The following BLID variants were observed in gnomAD, a reference collection of about 807,000 sequenced individuals.
BLID encodes the protein BH3-like motif containing, cell death inducer.
For synonymous variants in BLID, 47 were observed against 49.6 expected, an observed-to-expected ratio of 0.95 and a Z score of 0.22; for missense variants, 136 against 127.9, an observed-to-expected ratio of 1.06 and a Z score of -0.31.
rs765859710 is a variant in BLID, at chr11:122,115,918, A to C, written c.5T>G (p.Val2Gly). M[V>G]TLLPIEGQEI... is the part of the protein sequence containing the mutation. ...CTGGCCCTCTATAGGCAACAAAGTC[A>C]CCATAATTTGAAGCTATTATGGAAG... Residue 2 changes from valine (V) to glycine (G), a missense_variant, in exon 1 of 1, where the codon GTG becomes GGG. Coordinates refer to ENST00000560104, the MANE Select transcript of BLID (RefSeq NM_001001786.3). 1.3e-6 allele frequency: 2 copies of C among 1,576,620 alleles called. No individual in the cohort carries two copies. The highest frequency in any genetic ancestry group is 8.6e-7 in the Non-Finnish European group (1 of 1,159,956).
Position 122,116,054 on chromosome 11 carries a change from G to T in BLID, c.-132C>A. ...GGTGTTAGATGGGAAGAAAAAAGTGGTGGGATCCTTCCTCCTCTTCCTTTC... is the reference window on the plus strand; with the variant it reads ...GGTGTTAGATGGGAAGAAAAAAGTGTTGGGATCCTTCCTCCTCTTCCTTTC... On this transcript the variant is annotated 5_prime_UTR_variant, in exon 1 of 1. Transcript: ENST00000560104. 1 of 637,612 alleles carries T rather than the reference G, an allele frequency of 1.6e-6. No homozygotes were observed. The highest frequency in any genetic ancestry group is 2.7e-6 in the Non-Finnish European group (1 of 368,358). 39.5% of individuals were successfully genotyped at this position (637,612 alleles called of 1,614,324 possible). A position where few individuals can be genotyped will look rare whatever the true frequency, so the allele number is the denominator to read the frequency against.
At position 122,116,091 on chromosome 11, in the gene BLID, T is replaced by C. The variant is rs1353747866; in HGVS notation, c.-169A>G. Reference sequence around the variant, plus strand: ...CTCCTCTTCCTTTCTTCCCAGCTCCTGCTATTCATGGAATTTCCCTTGATT... The same window carrying C: ...CTCCTCTTCCTTTCTTCCCAGCTCCCGCTATTCATGGAATTTCCCTTGATT... On this transcript the variant is annotated 5_prime_UTR_variant, in exon 1 of 1. Coordinates refer to ENST00000560104, the MANE Select transcript of BLID (RefSeq NM_001001786.3). The C allele has an allele frequency of 1.7e-5, 10 of 582,244 alleles. No individual in the cohort carries two copies. Among genetic ancestry groups the C allele is most frequent in the Non-Finnish European group, 3.1e-5 (10 of 324,702 alleles). 36.1% of individuals were successfully genotyped at this position (582,244 alleles called of 1,614,324 possible).
chr11:122,115,693 A>T lies in BLID; in HGVS notation c.230T>A (p.Met77Lys). ...LKRYNLGSSAMKRNVPGHVLQ... is the reference protein window; with the variant it reads ...LKRYNLGSSAKKRNVPGHVLQ... ...CACATGTCCAGGAACATTCCGCTTC[A>T]TGGCAGAGGAGCCAAGATTGTACCT... Residue 77 changes from methionine (M) to lysine (K), a missense_variant, in exon 1 of 1, where the codon ATG becomes AAG. Transcript: ENST00000560104. The T allele has an allele frequency of 1.2e-6, 2 of 1,614,068 alleles. No individual in the cohort carries two copies. Among genetic ancestry groups the T allele is most frequent in the Non-Finnish European group, 1.7e-6 (2 of 1,179,890 alleles).
chr11:122,116,088 T>G lies in BLID; in HGVS notation c.-166A>C. Reference sequence around the variant, plus strand: ...TTCCTCCTCTTCCTTTCTTCCCAGCTCCTGCTATTCATGGAATTTCCCTTG... The same window carrying G: ...TTCCTCCTCTTCCTTTCTTCCCAGCGCCTGCTATTCATGGAATTTCCCTTG... On this transcript the variant is annotated 5_prime_UTR_variant, in exon 1 of 1. Transcript: ENST00000560104. 1 of 583,960 alleles carries G rather than the reference T, an allele frequency of 1.7e-6. No individual in the cohort carries two copies. Among genetic ancestry groups the G allele is most frequent in the Non-Finnish European group, 3.1e-6 (1 of 326,100 alleles). The allele number at this position is 583,960 out of a possible 1,614,324, so 36.2% of individuals were successfully genotyped here.
In BLID at chr11:122,115,696, G is replaced by T. The variant is rs7116084; in HGVS notation, c.227C>A (p.Ala76Asp). 3.0e-3 allele frequency: 4,855 copies of T among 1,614,034 alleles called. 133 individuals carry two copies. The African/African-American group carries it at 0.059, about 20-fold the overall frequency. ...SLKRYNLGSS[A>D]MKRNVPGHVL... ...ATGTCCAGGAACATTCCGCTTCATG[G>T]CAGAGGAGCCAAGATTGTACCTTTT... Residue 76 changes from alanine to aspartate, a missense_variant, in exon 1 of 1, where the codon GCC (alanine) becomes GAC (aspartate). Physicochemically the swap from Ala to Asp is moderately radical, Grantham distance 126 (BLOSUM62 -2). Transcript: ENST00000560104.
Position 122,115,806 on chromosome 11 carries a change from T to C in BLID, c.117A>G (p.Pro39=), listed in dbSNP as rs1397458404. 9 of 1,614,050 alleles carry C rather than the reference T, an allele frequency of 5.6e-6. No individual in the cohort carries two copies. In the Admixed American group the frequency reaches 8.3e-5, roughly 15 times the overall value. Residue 39 remains proline, a synonymous_variant, in exon 1 of 1, where the codon CCA becomes CCG. Transcript: ENST00000560104. The part of the protein sequence containing the change: ...IERASGSSIY[P]EAKARLPLEA... ...CCAGTGGCAGGCGTGCTTTTGCCTC[T>C]GGATAAATGGAACTGCCAGAGGCTC...
chr11:122,115,696 G>A lies in BLID; in HGVS notation c.227C>T (p.Ala76Val), dbSNP rs7116084. ...SLKRYNLGSSAMKRNVPGHVL... is the reference protein window; with the variant it reads ...SLKRYNLGSSVMKRNVPGHVL... ...ATGTCCAGGAACATTCCGCTTCATG[G>A]CAGAGGAGCCAAGATTGTACCTTTT... Residue 76 changes from alanine (A) to valine (V), a missense_variant, in exon 1 of 1, where the codon GCC (alanine) becomes GTC (valine). Coordinates refer to ENST00000560104, the MANE Select transcript of BLID (RefSeq NM_001001786.3). 1.2e-6 allele frequency: 2 copies of A among 1,613,926 alleles called. No individual in the cohort carries two copies. The highest frequency in any genetic ancestry group is 1.3e-5 in the African/African-American group (1 of 74,900).
Position 122,115,927 on chromosome 11 carries a change from T to C in BLID, c.-5A>G. 2 of 1,574,152 alleles carry C rather than the reference T, an allele frequency of 1.3e-6. No homozygotes were observed. Among genetic ancestry groups the C allele is most frequent in the East Asian group, 2.3e-5 (1 of 44,264 alleles). On this transcript the variant is annotated 5_prime_UTR_variant, in exon 1 of 1. Transcript: ENST00000560104. ...TATAGGCAACAAAGTCACCATAATT[T>C]GAAGCTATTATGGAAGAAAGTCCAA... is the stretch of plus-strand genomic sequence containing the variant.
Position 122,115,990 on chromosome 11 carries a change from T to A in BLID, c.-68A>T. 1.6e-6 allele frequency: 2 copies of A among 1,232,550 alleles called. No homozygotes were observed. Among genetic ancestry groups the A allele is most frequent in the Non-Finnish European group, 2.3e-6 (2 of 870,796 alleles). 76.4% of individuals were successfully genotyped at this position (1,232,550 alleles called of 1,614,324 possible). On this transcript the variant is annotated 5_prime_UTR_variant, in exon 1 of 1. Transcript: ENST00000560104. ...ATTCGCTTTATTCAGCAAGTTTTTA[T>A]AAGGCAGATCTCATATGGACTATGC...
Position 122,116,004 on chromosome 11 carries a change from T to G in BLID, c.-82A>C. 10 of 998,008 alleles carry G rather than the reference T, an allele frequency of 1.0e-5. No homozygotes were observed. Among genetic ancestry groups the G allele is most frequent in the South Asian group, 1.6e-5 (1 of 62,236 alleles). The allele number at this position is 998,008 out of a possible 1,614,324, so 61.8% of individuals were successfully genotyped here. A position where few individuals can be genotyped will look rare whatever the true frequency, so the allele number is the denominator to read the frequency against. On this transcript the variant is annotated 5_prime_UTR_variant, in exon 1 of 1. An upstream start codon of the reference 5' UTR is lost. Transcript: ENST00000560104. Reference sequence around the variant, plus strand: ...GCAAGTTTTTATAAGGCAGATCTCATATGGACTATGCTTTGCATAAGCACG... The same window carrying G: ...GCAAGTTTTTATAAGGCAGATCTCAGATGGACTATGCTTTGCATAAGCACG...
In BLID at chr11:122,115,804, T is replaced by A. The variant is rs775509826; in HGVS notation, c.119A>T (p.Glu40Val). Residue 40 changes from glutamate (E) to valine (V), a missense_variant, in exon 1 of 1, where the codon GAG becomes GTG. Physicochemically the swap from Glu to Val is moderately radical, Grantham distance 121 (BLOSUM62 -2). Transcript: ENST00000560104. Reference protein sequence around the residue: ...ERASGSSIYPEAKARLPLEAL... With the variant: ...ERASGSSIYPVAKARLPLEAL... ...CTCCAGTGGCAGGCGTGCTTTTGCC[T>A]CTGGATAAATGGAACTGCCAGAGGC... 1.1e-5 allele frequency: 18 copies of A among 1,614,144 alleles called. No individual in the cohort carries two copies. The highest frequency in any genetic ancestry group is 1.7e-4 in the Middle Eastern group (1 of 6,056).
In BLID at chr11:122,116,020, C is replaced by T. The variant is rs1456646863; in HGVS notation, c.-98G>A. ...CAGATCTCATATGGACTATGCTTTG[C>T]ATAAGCACGGTGTTAGATGGGAAGA... On this transcript the variant is annotated 5_prime_UTR_variant, in exon 1 of 1. An upstream start codon of the reference 5' UTR is lost. Coordinates refer to ENST00000560104, the MANE Select transcript of BLID (RefSeq NM_001001786.3). 4.7e-6 allele frequency: 4 copies of T among 854,770 alleles called. No homozygotes were observed. Among genetic ancestry groups the T allele is most frequent in the Non-Finnish European group, 7.3e-6 (4 of 547,004 alleles). 52.9% of individuals were successfully genotyped at this position (854,770 alleles called of 1,614,324 possible).
chr11:122,115,771 A>C lies in BLID; in HGVS notation c.152T>G (p.Leu51Trp), dbSNP rs1941201083. The C allele has an allele frequency of 6.2e-7, 1 of 1,614,074 alleles. No homozygotes were observed. Among genetic ancestry groups the C allele is most frequent in the Admixed American group, 1.7e-5 (1 of 60,012 alleles). ...AKARLPLEAL[L>W]GSNKEPMLPK... ...CAACATAGGTTCTTTGTTGGAACCC[A>C]AGAGCGCCTCCAGTGGCAGGCGTGC... Residue 51 changes from leucine (L) to tryptophan (W), a missense_variant, in exon 1 of 1, where the codon TTG becomes TGG. By Grantham distance (61) the Leu-to-Trp change is moderately conservative (BLOSUM62 -2). Coordinates refer to ENST00000560104, the MANE Select transcript of BLID (RefSeq NM_001001786.3).
At position 122,115,560 on chromosome 11, in the gene BLID, C is replaced by A; in HGVS notation, c.*36G>T. 1 of 1,468,378 alleles carries A rather than the reference C, an allele frequency of 6.8e-7. No homozygotes were observed. The highest frequency in any genetic ancestry group is 9.5e-7 in the Non-Finnish European group (1 of 1,052,622). The allele number at this position is 1,468,378 out of a possible 1,614,324, so 91.0% of individuals were successfully genotyped here. ...GCCTGAATAATGGGCGAAATCTGTC[C>A]TAATATCTTGCTGCATCTGTCCTAA... On this transcript the variant is annotated 3_prime_UTR_variant, in exon 1 of 1. Coordinates refer to ENST00000560104, the MANE Select transcript of BLID (RefSeq NM_001001786.3).
Position 122,116,021 on chromosome 11 carries a change from A to G in BLID, c.-99T>C. 1.2e-6 allele frequency: 1 copy of G among 847,344 alleles called. No individual in the cohort carries two copies. Among genetic ancestry groups the G allele is most frequent in the South Asian group, 1.8e-5 (1 of 54,822 alleles). The allele number at this position is 847,344 out of a possible 1,614,324, so 52.5% of individuals were successfully genotyped here. A position where few individuals can be genotyped will look rare whatever the true frequency, so the allele number is the denominator to read the frequency against. On this transcript the variant is annotated 5_prime_UTR_variant, in exon 1 of 1. It removes an upstream start codon present in the reference 5' UTR. Coordinates refer to ENST00000560104, the MANE Select transcript of BLID (RefSeq NM_001001786.3). The stretch of plus-strand genomic sequence containing the variant: ...AGATCTCATATGGACTATGCTTTGC[A>G]TAAGCACGGTGTTAGATGGGAAGAA...
In BLID at chr11:122,115,423, T is replaced by A; in HGVS notation, c.*173A>T. 1 of 545,730 alleles carries A rather than the reference T, an allele frequency of 1.8e-6. No homozygotes were observed. The highest frequency in any genetic ancestry group is 3.2e-6 in the Non-Finnish European group (1 of 308,302). The allele number at this position is 545,730 out of a possible 1,614,324, so 33.8% of individuals were successfully genotyped here. On this transcript the variant is annotated 3_prime_UTR_variant, in exon 1 of 1. Transcript: ENST00000560104. Reference sequence around the variant, plus strand: ...AGTTTATCCTTTTTAAAAATTTTATTGTTTCTCTGCACAATTTGAACCAAA... The same window carrying A: ...AGTTTATCCTTTTTAAAAATTTTATAGTTTCTCTGCACAATTTGAACCAAA...
At position 122,115,640 on chromosome 11, in the gene BLID, T is replaced by C; in HGVS notation, c.283A>G (p.Ile95Val). ...VLQRPSYLTR[I>V]QVTLLCNSSA... The stretch of plus-strand genomic sequence containing the variant: ...GAATTGCATAACAATGTAACTTGTA[T>C]CCTGGTTAAATAGGAAGGTCTCTGA... Residue 95 changes from isoleucine to valine, a missense_variant, in exon 1 of 1, where the codon ATA (isoleucine) becomes GTA (valine). Transcript: ENST00000560104. 6.2e-7 allele frequency: 1 copy of C among 1,614,166 alleles called. No individual in the cohort carries two copies. The highest frequency in any genetic ancestry group is 8.5e-7 in the Non-Finnish European group (1 of 1,179,984).
At position 122,116,010 on chromosome 11, in the gene BLID, C is replaced by CTA; in HGVS notation, c.-90_-89dup. 3 of 947,900 alleles carry CTA rather than the reference C, an allele frequency of 3.2e-6. No homozygotes were observed. The highest frequency in any genetic ancestry group is 4.8e-6 in the Non-Finnish European group (3 of 626,086). The allele number at this position is 947,900 out of a possible 1,614,324, so 58.7% of individuals were successfully genotyped here. ...TTTTATAAGGCAGATCTCATATGGA[C>CTA]TATGCTTTGCATAAGCACGGTGTTA... On this transcript the variant is annotated 5_prime_UTR_variant, in exon 1 of 1. An upstream open reading frame in the 5' UTR gains an earlier in-frame stop. Coordinates refer to ENST00000560104, the MANE Select transcript of BLID (RefSeq NM_001001786.3).
Position 122,115,507 on chromosome 11 carries a change from G to T in BLID, c.*89C>A. ...AGACTGTTAAGAATTGGGTCTTATT[G>T]AAATCAAGTTTCCTTCTGTGTTGTG... On this transcript the variant is annotated 3_prime_UTR_variant, in exon 1 of 1. Coordinates refer to ENST00000560104, the MANE Select transcript of BLID (RefSeq NM_001001786.3). 4 of 907,614 alleles carry T rather than the reference G, an allele frequency of 4.4e-6. No homozygotes were observed. The highest frequency in any genetic ancestry group is 6.9e-6 in the Non-Finnish European group (4 of 579,306). 56.2% of individuals were successfully genotyped at this position (907,614 alleles called of 1,614,324 possible).
Sources: gnomAD v4.1 joint callset for allele counts on GRCh38, gnomAD v4.1.1 for gene constraint, MANE v1.5 for transcripts, NCBI Gene and HGNC (gene_info 2026-07-23, HGNC 2026-07-21) for gene names.